The following DDC variants were observed in gnomAD, a reference collection of about 807,000 sequenced individuals.
The protein encoded by DDC is dopa decarboxylase.
DDC carries 43 observed loss-of-function variants against 60.0 expected under a neutral mutation model. The ratio of observed to expected loss-of-function variants is 0.72; its 90% CI spans 0.56 to 0.92. The LOEUF is 0.92. Among genes scored for constraint, DDC ranks in the 40% least tolerant of loss-of-function variants. The probability of loss-of-function intolerance (pLI) is 0.00; values close to 1 mark genes in which losing one functional copy is unlikely to be tolerated. For synonymous variants in DDC, 232 were observed against 234.6 expected (o/e 0.99, Z 0.10); for missense variants, 573 against 620.2 (o/e 0.92, Z 0.81).
chr7:50,494,738 T>C (rs1280054816), intron 9 of DDC, among the ~76,000 whole-genome samples: 1 of 151,974 alleles, frequency 6.6e-6, no homozygotes, highest in Non-Finnish European at 1.5e-5. Context: ...CTCGGCTCAC[T>C]GCAACCTCTG....
chr7:50,533,616 A>T (rs2044290426), intron 4 of DDC, among the ~76,000 whole-genome samples: 1 of 152,244 alleles, frequency 6.6e-6, no homozygotes, highest in South Asian at 2.1e-4. Context: ...AATCATGTGG[A>T]GAAAACCATG....
intron 6 of DDC, among the ~76,000 whole-genome samples, chr7:50,507,889 C>T (rs1585202179): frequency 1.3e-5 from 2 of 152,168 alleles, no homozygotes; most frequent in South Asian, 4.1e-4. Context: ...TAGATATGCT[C>T]GTGATTCCCA....
intron 6 of DDC, among the ~76,000 whole-genome samples, chr7:50,525,129 T>C (rs2044003059): frequency 6.6e-6 from 1 of 152,216 alleles, no homozygotes; most frequent in African/African-American, 2.4e-5. Flanking sequence ...ATTCTCAAAA[T>C]GACAAGAGTG....
At chr7:50,511,444 T>C (rs993053363) in intron 6 of DDC, among the ~76,000 whole-genome samples, 4 of 152,288 alleles carry the variant, frequency 2.6e-5, no homozygotes, top group African/African-American at 9.6e-5. Flanking sequence ...GGCAGATGGA[T>C]CACTTGAGGT....
At chr7:50,492,957 G>C (rs781022598) in intron 9 of DDC, 23 of 1,598,174 alleles carry the variant, frequency 1.4e-5, no homozygotes, top group Non-Finnish European at 1.7e-6. Flanking sequence ...CCACCGCACT[G>C]ACTAAGCAGG....
At chr7:50,523,179 C>T (rs1227501580) in intron 6 of DDC, among the ~76,000 whole-genome samples, 1 of 152,166 alleles carries the variant, frequency 6.6e-6, no homozygotes, top group Non-Finnish European at 1.5e-5. Context: ...CATAGACCTA[C>T]ATCTATTTTA....
intron 9 of DDC, among the ~76,000 whole-genome samples, chr7:50,488,486 G>T (rs1022798151): frequency 6.6e-6 from 1 of 150,616 alleles, no homozygotes; most frequent in East Asian, 1.9e-4. Context: ...TGACAAAAAT[G>T]TTGTGTGATA....
intron 7 of DDC, among the ~76,000 whole-genome samples, chr7:50,500,725 G>A (rs752849571): frequency 2.0e-4 from 30 of 152,210 alleles, no homozygotes; most frequent in Non-Finnish European, 3.5e-4. Flanking sequence ...ATCCGTGTCC[G>A]CAGGACACAC....
At chr7:50,482,947 CT>C (rs2042801497) in intron 9 of DDC, among the ~76,000 whole-genome samples, 1 of 151,902 alleles carries the variant, frequency 6.6e-6, no homozygotes, top group Non-Finnish European at 1.5e-5. Context: ...GTTACATCAT[CT>C]GACAATGAGA....
chr7:50,506,044 T>C (rs1490519564), intron 6 of DDC, among the ~76,000 whole-genome samples: 1 of 152,202 alleles, frequency 6.6e-6, no homozygotes. Context: ...AGGGCCTGTG[T>C]TGTGGTTTCC....
intron 1 of DDC, among the ~76,000 whole-genome samples, chr7:50,553,426 T>C (rs2045074263): frequency 6.6e-6 from 1 of 152,106 alleles, no homozygotes; most frequent in African/African-American, 2.4e-5. Context: ...CAACACTAAT[T>C]TGGCTGATTT....
intron 11 of DDC, among the ~76,000 whole-genome samples, chr7:50,473,353 G>T (rs1438802219): frequency 6.6e-6 from 1 of 152,196 alleles, no homozygotes; most frequent in Non-Finnish European, 1.5e-5. Flanking sequence ...GCTGCCCGGG[G>T]CTGTCCCCAC....
chr7:50,540,179 T>A, intron 2 of DDC, 151 bp from the exon 3 acceptor site: 1 of 685,680 alleles, frequency 1.5e-6, no homozygotes. Flanking sequence ...AGCCATCCCA[T>A]TACCTTCCTC....
intron 9 of DDC, among the ~76,000 whole-genome samples, chr7:50,494,016 G>C (rs1365473904): frequency 6.6e-6 from 1 of 152,132 alleles, no homozygotes; most frequent in African/African-American, 2.4e-5. Context: ...CAAAATTCAT[G>C]CAAATCCTCC....
At chr7:50,558,510 T>G (rs1363909205) in intron 1 of DDC, among the ~76,000 whole-genome samples, 1 of 152,208 alleles carries the variant, frequency 6.6e-6, no homozygotes, top group Non-Finnish European at 1.5e-5. Context: ...TGTTGAACTT[T>G]GGTTGCCACA....
intron 1 of DDC, among the ~76,000 whole-genome samples, chr7:50,550,237 C>A (rs1393585739): frequency 6.6e-6 from 1 of 152,220 alleles, no homozygotes; most frequent in Non-Finnish European, 1.5e-5. Flanking sequence ...CAAGACCCTG[C>A]ACCAGCAAAA....
intron 9 of DDC, among the ~76,000 whole-genome samples, chr7:50,486,974 T>G (rs76300023): frequency 1.8e-4 from 27 of 152,312 alleles, no homozygotes; most frequent in African/African-American, 6.5e-4. Context: ...TTGCAACACG[T>G]GGATTACCAT....
intron 9 of DDC, among the ~76,000 whole-genome samples, chr7:50,494,260 C>A (rs1347565883): frequency 6.6e-6 from 1 of 152,226 alleles, no homozygotes; most frequent in East Asian, 1.9e-4. Context: ...GTAATCCCAG[C>A]ATTTTGGGAG....
At chr7:50,488,107 T>G (rs1269758423) in intron 9 of DDC, among the ~76,000 whole-genome samples, 1 of 152,074 alleles carries the variant, frequency 6.6e-6, no homozygotes, top group East Asian at 1.9e-4. Context: ...AGCAGGGAAA[T>G]AACTTTAAAT....
Sources: allele counts gnomAD v4.1 joint callset (sites outside exome capture counted in the v4.1 genomes callset), GRCh38; gene constraint gnomAD v4.1.1; transcripts MANE v1.5; gene names NCBI Gene and HGNC (gene_info 2026-07-23, HGNC 2026-07-21).